RYR3: variants seen among roughly 807,000 people sequenced by gnomAD.
The protein encoded by RYR3 is brain ryanodine receptor-calcium release channel.
Under a neutral mutation model 584.3 loss-of-function variants are expected in RYR3, and 207 were observed. That is an observed-to-expected ratio of 0.35 (90% CI 0.32 to 0.40). The LOEUF (loss-of-function observed/expected upper bound fraction) is 0.40. RYR3 is among the 10% of genes least tolerant of loss of function. The pLI, the probability that RYR3 is intolerant of heterozygous loss-of-function variation, is 1.00. For missense variants in RYR3, 5,616 were observed against 6,089.2 expected (o/e 0.92, Z 2.59); for synonymous variants, 2,416 against 2,248.5 (o/e 1.07, Z -2.11).
chr15:33,379,777 G>A (rs1261114070), intron 1 of RYR3, among the ~76,000 whole-genome samples: 2 of 151,492 alleles, frequency 1.3e-5, no homozygotes, highest in Non-Finnish European at 2.9e-5. Context: ...TCTGCAAAAT[G>A]GGGAAGAGAG....
intron 1 of RYR3, among the ~76,000 whole-genome samples, chr15:33,443,084 C>A (rs1254383106): frequency 6.6e-6 from 1 of 151,956 alleles, no homozygotes. Context: ...CATGGTGAAA[C>A]CCTTGTTTCT....
At chr15:33,513,156 TAG>T (rs938822506) in intron 3 of RYR3, among the ~76,000 whole-genome samples, 1 of 152,260 alleles carries the variant, frequency 6.6e-6, no homozygotes, top group African/African-American at 2.4e-5. Context: ...GTTTATTTAT[TAG>T]AGTTTTCCTT....
In RYR3 at chr15:33,660,263, C is replaced by T. The variant is rs1198297597; in HGVS notation, c.4462C>T (p.Pro1488Ser). Reference sequence around the variant, plus strand: ...GAAGAACCCAGTCCCACAGTGTCCACCTCGGCTGGACGTCCAAACCATCCA... The same window carrying T: ...GAAGAACCCAGTCCCACAGTGTCCATCTCGGCTGGACGTCCAAACCATCCA... ...EEKNPVPQCP[P>S]RLDVQTIQPV... Residue 1488 changes from proline to serine, a missense_variant, in exon 34 of 104, where the codon CCT (proline) becomes TCT (serine). Transcript: ENST00000634891. 5.1e-6 allele frequency: 8 copies of T among 1,555,628 alleles called. No homozygotes were observed. The highest frequency in any genetic ancestry group is 7.0e-6 in the Non-Finnish European group (8 of 1,149,500).
intron 38 of RYR3, among the ~76,000 whole-genome samples, chr15:33,678,453 G>C (rs1215494939): frequency 6.6e-6 from 1 of 152,146 alleles, no homozygotes; most frequent in African/African-American, 2.4e-5. Context: ...AGTTTTCTGA[G>C]GCCTCCCAGC....
chr15:33,853,205 A>G (rs2079285952), intron 95 of RYR3, 118 bp downstream of exon 95: 5 of 1,001,596 alleles, frequency 5.0e-6, no homozygotes, highest in Non-Finnish European at 7.2e-6. Flanking sequence ...TAATATCTCA[A>G]GAAGAGTAAG....
chr15:33,821,036 G>A (rs1421761825), intron 78 of RYR3, among the ~76,000 whole-genome samples: 5 of 151,246 alleles, frequency 3.3e-5, no homozygotes, highest in Non-Finnish European at 7.4e-5. Context: ...GGAATGGACT[G>A]TGTGTTCTAT....
At chr15:33,765,296 A>G (rs550021148) in intron 60 of RYR3, among the ~76,000 whole-genome samples, 27 of 152,236 alleles carry the variant, frequency 1.8e-4, no homozygotes, top group African/African-American at 6.5e-4. Context: ...AAATACAGGA[A>G]TGGACTAGAC....
intron 3 of RYR3, among the ~76,000 whole-genome samples, chr15:33,522,228 A>C (rs1045115125): frequency 6.6e-6 from 1 of 150,914 alleles, no homozygotes; most frequent in Admixed American, 6.6e-5. Flanking sequence ...GCACCACTGC[A>C]CTCCAGCCTG....
intron 1 of RYR3, among the ~76,000 whole-genome samples, chr15:33,398,368 A>G (rs2042424035): frequency 6.6e-6 from 1 of 152,210 alleles, no homozygotes; most frequent in Admixed American, 6.5e-5. Flanking sequence ...ACTTTGTCGC[A>G]TCTTTACTCT....
chr15:33,814,362 T>C (rs189874347), intron 74 of RYR3, among the ~76,000 whole-genome samples: 1 of 152,232 alleles, frequency 6.6e-6, no homozygotes, highest in African/African-American at 2.4e-5. Context: ...CACTGACTTA[T>C]CAAATCAGTA....
In RYR3 at chr15:33,543,714, A is replaced by T; in HGVS notation, c.739A>T (p.Arg247Trp). The change falls in exon 8 of 104, where the codon AGG becomes TGG. Residue 247 changes from arginine (R) to tryptophan (W), a missense_variant and splice_region_variant. Coordinates refer to ENST00000634891, the MANE Select transcript of RYR3 (RefSeq NM_001036.6). The part of the protein sequence containing the change: ...PSTDQNDSQH[R>W]RIFYEAGGAG... ...TACAGACCAGAATGATTCCCAGCAC[A>T]GGTAAGTCAGTAGCTGCATTCTTCC... The T allele has an allele frequency of 6.3e-7, 1 of 1,595,624 alleles. No homozygotes were observed. The highest frequency in any genetic ancestry group is 8.6e-7 in the Non-Finnish European group (1 of 1,163,370).
intron 40 of RYR3, among the ~76,000 whole-genome samples, chr15:33,699,236 G>GTC (rs5811786): frequency 9.6e-5 from 11 of 114,472 alleles, no homozygotes; most frequent in East Asian, 5.7e-4. Flanking sequence ...CTGTCTGTCT[G>GTC]TCTCTCTCTC....
At chr15:33,681,532 T>G (rs2064616880) in intron 38 of RYR3, among the ~76,000 whole-genome samples, 1 of 152,190 alleles carries the variant, frequency 6.6e-6, no homozygotes, top group South Asian at 2.1e-4. Context: ...AGGGACATTA[T>G]TTAGTCTACT....
At chr15:33,695,595 T>C (rs970339691) in intron 38 of RYR3, among the ~76,000 whole-genome samples, 3 of 152,150 alleles carry the variant, frequency 2.0e-5, no homozygotes, top group African/African-American at 7.2e-5. Context: ...TGCTCAGATG[T>C]CCCGTTGTAA....
At chr15:33,692,426 C>G (rs1239676699) in intron 38 of RYR3, among the ~76,000 whole-genome samples, 1 of 152,110 alleles carries the variant, frequency 6.6e-6, no homozygotes, top group Non-Finnish European at 1.5e-5. Flanking sequence ...ATGTCCCCTT[C>G]TGCCCCTCTC....
At chr15:33,815,931 A>T (rs2076790294) in intron 74 of RYR3, 3 of 398,464 alleles carry the variant, frequency 7.5e-6, no homozygotes, top group African/African-American at 2.1e-5. Flanking sequence ...ACCCATTTTA[A>T]TGGTAATGTA....
intron 8 of RYR3, among the ~76,000 whole-genome samples, chr15:33,547,012 GC>G (rs1472984006): frequency 1.3e-4 from 20 of 152,174 alleles, no homozygotes; most frequent in Admixed American, 3.3e-4. Context: ...TCAGAAAGTG[GC>G]TGGATTCAGT....
intron 63 of RYR3, among the ~76,000 whole-genome samples, 174 bp from the exon 64 acceptor site, chr15:33,773,360 T>C: frequency 6.6e-6 from 1 of 152,280 alleles, no homozygotes; most frequent in African/African-American, 2.4e-5. Context: ...TTTTTTTTCC[T>C]AGTCCAGCAA....
At chr15:33,580,249 G>C in intron 13 of RYR3, 105 bp downstream of exon 13, 3 of 918,536 alleles carry the variant, frequency 3.3e-6, no homozygotes, top group Non-Finnish European at 4.9e-6. Flanking sequence ...GTTTATGAGA[G>C]AGCCAGAGGA....
Sources: allele counts gnomAD v4.1 joint callset (sites outside exome capture counted in the v4.1 genomes callset), GRCh38; gene constraint gnomAD v4.1.1; transcripts MANE v1.5; gene names NCBI Gene and HGNC (gene_info 2026-07-23, HGNC 2026-07-21).